The following CPNE3 variants were observed in gnomAD, a reference collection of about 807,000 sequenced individuals.
CPNE3 encodes the protein copine 3, also known as copine-3.
CPNE3 carries 68 observed loss-of-function variants against 63.9 expected under a neutral mutation model. That is an observed-to-expected ratio of 1.06 (90% CI 0.87 to 1.30). CPNE3 has a LOEUF of 1.30. Among genes scored for constraint, CPNE3 ranks in the 50% most tolerant of loss-of-function variants. CPNE3 has a pLI of 0.00. For missense variants in CPNE3, 665 were observed against 578.1 expected (o/e 1.15, Z -1.54); for synonymous variants, 219 against 197.5 (o/e 1.11, Z -0.91).
rs570447139 is a variant in CPNE3 at position 86,555,355 on chromosome 8, G to A, written c.1254+371G>A. On this transcript the variant is annotated intron_variant, in intron 15 of 16. Coordinates refer to ENST00000517490, the MANE Select transcript of CPNE3 (RefSeq NM_003909.5). ...CTTATTGTACTAAAGATATTTGAAT[G>A]AGGTAACCATTACCTATTGGACCGT... 6.6e-5 allele frequency among the ~76,000 whole-genome samples: 10 copies of A among 152,284 alleles called. No individual in the cohort carries two copies. In the East Asian group the frequency reaches 1.9e-3, roughly 29 times the overall value.
chr8:86,515,141 G>C (rs1820255288), intron 1 of CPNE3: 1 of 152,196 alleles, frequency 6.6e-6, no homozygotes, highest in Admixed American at 6.5e-5. Context: ...TTCTCCTCCA[G>C]CTTCAAGATT....
chr8:86,533,322 C>G (rs532834732), intron 6 of CPNE3, among the ~76,000 whole-genome samples: 7 of 152,172 alleles, frequency 4.6e-5, no homozygotes, highest in Admixed American at 2.6e-4. Context: ...GTGGGGAGAT[C>G]ACTTGAGCTC....
intron 14 of CPNE3, among the ~76,000 whole-genome samples, chr8:86,552,977 C>A (rs1417422253): frequency 1.8e-5 from 1 of 56,830 alleles, no homozygotes; most frequent in Non-Finnish European, 5.2e-5. Flanking sequence ...CCCCCCCCCC[C>A]CGCCCACAAC....
rs562036108 is a variant in CPNE3, at chr8:86,561,366, A to T, written c.*2956A>T. On this transcript the variant is annotated 3_prime_UTR_variant, in exon 17 of 17. Coordinates refer to ENST00000517490, the MANE Select transcript of CPNE3 (RefSeq NM_003909.5). ...ACTAATATATGAATTGATGCTAAAT[A>T]TATCTTACATTTGAATTCCTTTTGG... The T allele has an allele frequency of 6.6e-6, 1 of 152,224 alleles. No homozygotes were observed. Among genetic ancestry groups the T allele is most frequent in the African/African-American group, 2.4e-5 (1 of 41,450 alleles). The allele number at this position is 152,224 out of a possible 1,614,324, so 9.4% of individuals were successfully genotyped here.
chr8:86,533,647 T>C (rs993910710), intron 6 of CPNE3, among the ~76,000 whole-genome samples: 1 of 152,070 alleles, frequency 6.6e-6, no homozygotes, highest in African/African-American at 2.4e-5. Context: ...AGACTCTTTT[T>C]AAAAAATTTC....
intron 2 of CPNE3, among the ~76,000 whole-genome samples, chr8:86,516,110 C>G (rs1473712855): frequency 6.6e-6 from 1 of 152,176 alleles, no homozygotes; most frequent in Non-Finnish European, 1.5e-5. Context: ...TGAAAAATTT[C>G]AAACTCTGGG....
chr8:86,550,814 A>G (rs1821157078), intron 12 of CPNE3, among the ~76,000 whole-genome samples: 2 of 152,200 alleles, frequency 1.3e-5, no homozygotes, highest in South Asian at 4.1e-4. Flanking sequence ...TGTAAACTCC[A>G]TTTCTACAAA....
chr8:86,515,157 G>C (rs1820256462), intron 1 of CPNE3: 1 of 152,240 alleles, frequency 6.6e-6, no homozygotes, highest in Non-Finnish European at 1.5e-5. Context: ...AGATTCTTCT[G>C]TCTAGTGTTT....
At chr8:86,521,565 A>T (rs1820434867) in intron 2 of CPNE3, 1 of 151,682 alleles carries the variant, frequency 6.6e-6, no homozygotes, top group African/African-American at 2.4e-5. Context: ...ACATCTATGG[A>T]GTTTATTTAT....
rs919167803 is a variant in CPNE3 at position 86,515,492 on chromosome 8, C to G, written c.-18C>G. ...TCAGGTTGAATAATTCATCAAATTACACAACTGGTAAGTGGTGGCATTAGG... is the reference window on the plus strand; with the variant it reads ...TCAGGTTGAATAATTCATCAAATTAGACAACTGGTAAGTGGTGGCATTAGG... On this transcript the variant is annotated 5_prime_UTR_variant, in exon 2 of 17. Transcript: ENST00000517490. The G allele has an allele frequency of 6.6e-6, 1 of 152,196 alleles. No individual in the cohort carries two copies. Among genetic ancestry groups the G allele is most frequent in the Non-Finnish European group, 1.5e-5 (1 of 68,042 alleles). 9.4% of individuals were successfully genotyped at this position (152,196 alleles called of 1,614,324 possible).
At chr8:86,546,556 G>A (rs1821054475) in intron 9 of CPNE3, 39 bp from the exon 10 acceptor site, 12 of 1,588,446 alleles carry the variant, frequency 7.6e-6, no homozygotes, top group Non-Finnish European at 1.0e-5. Flanking sequence ...TTCTAATATT[G>A]CTAATAAAAA....
At chr8:86,538,010 T>G (rs1820843083) in intron 7 of CPNE3, among the ~76,000 whole-genome samples, 1 of 141,906 alleles carries the variant, frequency 7.0e-6, no homozygotes, top group South Asian at 2.3e-4. Context: ...CACACACACT[T>G]ATGCACACAT....
At chr8:86,520,502 G>A (rs924600438) in intron 2 of CPNE3, among the ~76,000 whole-genome samples, 1 of 151,126 alleles carries the variant, frequency 6.6e-6, no homozygotes, top group Non-Finnish European at 1.5e-5. Context: ...TTGCAAGTGA[G>A]CCAAGATCTC....
At chr8:86,544,169 C>T (rs117899724) in intron 8 of CPNE3, among the ~76,000 whole-genome samples, 141 of 152,238 alleles carry the variant, frequency 9.3e-4, no homozygotes, top group Non-Finnish European at 1.7e-3. Flanking sequence ...TTGTTCCTTT[C>T]ATTGTAAGAG....
At chr8:86,543,175 A>C (rs1227453265) in intron 8 of CPNE3, among the ~76,000 whole-genome samples, 1 of 152,088 alleles carries the variant, frequency 6.6e-6, no homozygotes, top group African/African-American at 2.4e-5. Context: ...GTCATATAAA[A>C]GGTTTTTGGT....
intron 6 of CPNE3, among the ~76,000 whole-genome samples, chr8:86,533,024 T>TATC (rs1820715954): frequency 1.4e-5 from 2 of 145,612 alleles, no homozygotes; most frequent in East Asian, 2.1e-4. Flanking sequence ...TTTATCTATC[T>TATC]TATCTATCTA....
At chr8:86,536,781 T>A (rs190087916) in intron 6 of CPNE3, among the ~76,000 whole-genome samples, 130 of 152,274 alleles carry the variant, frequency 8.5e-4, no homozygotes, top group Admixed American at 4.1e-3. Context: ...TCATCCATAG[T>A]CTTACCACCT....
At chr8:86,520,504 C>G (rs80109674) in intron 2 of CPNE3, among the ~76,000 whole-genome samples, 23,064 of 150,274 alleles carry the variant, frequency 0.15, 1,894 homozygotes, top group Non-Finnish European at 0.19. Flanking sequence ...GCAAGTGAGC[C>G]AAGATCTCCA....
In CPNE3 at chr8:86,561,235, G is replaced by A. The variant is rs1821434095; in HGVS notation, c.*2825G>A. 1 of 152,156 alleles carries A rather than the reference G, an allele frequency of 6.6e-6. No individual in the cohort carries two copies. The highest frequency in any genetic ancestry group is 6.6e-5 in the Admixed American group (1 of 15,266). The allele number at this position is 152,156 out of a possible 1,614,324, so 9.4% of individuals were successfully genotyped here. On this transcript the variant is annotated 3_prime_UTR_variant, in exon 17 of 17. Coordinates refer to ENST00000517490, the MANE Select transcript of CPNE3 (RefSeq NM_003909.5). The stretch of plus-strand genomic sequence containing the variant: ...CCCCTAGTCTCTATATATGTGGTTA[G>A]TAGTCATGGAAATGACACATAAAGT...
Sources: gnomAD v4.1 joint callset for allele counts (sites outside exome capture counted in the v4.1 genomes callset) on GRCh38, gnomAD v4.1.1 for gene constraint, MANE v1.5 for transcripts, NCBI Gene and HGNC (gene_info 2026-07-23, HGNC 2026-07-21) for gene names.